The following TXNDC5 variants were observed in gnomAD, a reference collection of about 807,000 sequenced individuals.
The protein encoded by TXNDC5 is thioredoxin domain containing 5.
A neutral mutation model predicts 52.6 loss-of-function variants in TXNDC5; 44 were observed. That is an observed-to-expected ratio of 0.84 (90% confidence interval 0.66 to 1.08). The LOEUF (loss-of-function observed/expected upper bound fraction) is 1.08, where lower values mean the gene tolerates loss of function less well. Ranked by LOEUF, TXNDC5 falls within the 50% of genes least tolerant of loss-of-function variation. The probability of loss-of-function intolerance (pLI) is 0.00; values close to 1 mark genes in which losing one functional copy is unlikely to be tolerated. For synonymous variants in TXNDC5, 241 were observed against 234.4 expected, an observed-to-expected ratio of 1.03 and a Z score of -0.26; for missense variants, 600 against 565.5, an observed-to-expected ratio of 1.06 and a Z score of -0.62.
intron 1 of TXNDC5, among the ~76,000 whole-genome samples, chr6:7,907,387 CA>C (rs1354602381): frequency 1.3e-5 from 2 of 152,002 alleles, no homozygotes; most frequent in African/African-American, 4.8e-5. Context: ...AGCCTGTGGC[CA>C]AGAAGTAGAG....
At chr6:7,902,706 G>A (rs78834574) in intron 2 of TXNDC5, among the ~76,000 whole-genome samples, 89 of 152,176 alleles carry the variant, frequency 5.8e-4, no homozygotes, top group Non-Finnish European at 9.4e-4. Context: ...TGGTCACAGA[G>A]GTTCCTTCCC....
chr6:7,887,281 G>T (rs1469470449), intron 7 of TXNDC5, among the ~76,000 whole-genome samples: 3 of 152,132 alleles, frequency 2.0e-5, no homozygotes, highest in Admixed American at 1.3e-4. Flanking sequence ...TGAAGAGGAT[G>T]ACACGGGCAC....
At chr6:7,906,042 C>T (rs184104588) in intron 1 of TXNDC5, among the ~76,000 whole-genome samples, 2 of 151,182 alleles carry the variant, frequency 1.3e-5, no homozygotes, top group South Asian at 2.1e-4. Context: ...GGGTTCAAGA[C>T]TGGCCTGGGC....
intron 1 of TXNDC5, among the ~76,000 whole-genome samples, chr6:7,908,519 A>T (rs201002286): frequency 6.6e-5 from 3 of 45,590 alleles, no homozygotes; most frequent in Admixed American, 3.0e-4. Context: ...GTTTTTCTTT[A>T]AAAAAAAAAA....
chr6:7,901,057 G>T (rs1414574846), intron 2 of TXNDC5, among the ~76,000 whole-genome samples: 2 of 152,186 alleles, frequency 1.3e-5, no homozygotes, highest in Non-Finnish European at 2.9e-5. Context: ...AAGATGGTAT[G>T]ATGGGGCATA....
chr6:7,895,591 G>A (rs1030637543), intron 3 of TXNDC5, among the ~76,000 whole-genome samples: 3 of 152,170 alleles, frequency 2.0e-5, no homozygotes, highest in Non-Finnish European at 4.4e-5. Context: ...AAAATACAAC[G>A]CCCAATGGAC....
Position 7,884,440 on chromosome 6 carries a change from T to G in TXNDC5, c.1095A>C (p.Lys365Asn), listed in dbSNP as rs918899984. 6.2e-7 allele frequency: 1 copy of G among 1,614,104 alleles called. No individual in the cohort carries two copies. The highest frequency in any genetic ancestry group is 2.2e-5 in the East Asian group (1 of 44,878). Residue 365 changes from lysine (K) to asparagine (N), a missense_variant, in exon 9 of 10, where the codon AAA becomes AAC. Coordinates refer to ENST00000379757, the MANE Select transcript of TXNDC5 (RefSeq NM_030810.5). ...CCCCCGCCAGACCAGGGAATTCCTTTTTAGAGAGTTCCTCCCAAGTAGGAG... is the reference window on the plus strand; with the variant it reads ...CCCCCGCCAGACCAGGGAATTCCTTGTTAGAGAGTTCCTCCCAAGTAGGAG... ...TLAPTWEELS[K>N]KEFPGLAGVK...
Position 7,895,218 on chromosome 6 carries a change from A to G in TXNDC5, c.520-16T>C. The G allele has an allele frequency of 1.9e-6, 3 of 1,605,918 alleles. No homozygotes were observed. The highest frequency in any genetic ancestry group is 2.6e-6 in the Non-Finnish European group (3 of 1,175,928). ...GCTCTGGTGTCTAACAGGAGGAAAT[A>G]AAACAGTCATGGGTGTGTCAGTGGA... On this transcript the variant is annotated splice_polypyrimidine_tract_variant and intron_variant, in intron 3 of 9. Coordinates refer to ENST00000379757, the MANE Select transcript of TXNDC5 (RefSeq NM_030810.5).
rs1384177383 is a variant in TXNDC5, at chr6:7,881,981, TCACAAGGACAGCA to T, written c.*1150_*1162del. 6.6e-6 allele frequency: 1 copy of T among 152,662 alleles called. No homozygotes were observed. Among genetic ancestry groups the T allele is most frequent in the Non-Finnish European group, 1.5e-5 (1 of 68,050 alleles). 9.5% of individuals were successfully genotyped at this position (152,662 alleles called of 1,614,324 possible). ...TCCCAAGGGAGATAGAGGTGTTTAATCACAAGGACAGCATGAGTTAGAGGACACTGGCATCAAC... is the reference window on the plus strand; with the variant it reads ...TCCCAAGGGAGATAGAGGTGTTTAATTGAGTTAGAGGACACTGGCATCAAC... On this transcript the variant is annotated 3_prime_UTR_variant, in exon 10 of 10. Transcript: ENST00000379757.
Position 7,891,622 on chromosome 6 carries a change from T to G in TXNDC5, c.731A>C (p.Lys244Thr). ...LEHSETVKIG[K>T]VDCTQHYELC... ...AGTTTAATAAGGGCTTTCACTCACC[T>G]TGCCAATCTTGACAGTTTCGGAATG... The change falls in exon 5 of 10, where the codon AAG becomes ACG. Residue 244 changes from lysine (K) to threonine (T), a missense_variant and splice_region_variant. Transcript: ENST00000379757. The G allele has an allele frequency of 6.2e-7, 1 of 1,613,536 alleles. No individual in the cohort carries two copies. Among genetic ancestry groups the G allele is most frequent in the East Asian group, 2.2e-5 (1 of 44,866 alleles).
intron 1 of TXNDC5, among the ~76,000 whole-genome samples, chr6:7,906,408 C>T (rs951188045): frequency 3.3e-5 from 5 of 151,764 alleles, no homozygotes; most frequent in African/African-American, 4.8e-5. Flanking sequence ...TGGTGGCACA[C>T]GCCTGTAATC....
At chr6:7,896,237 TA>T (rs778620098) in intron 3 of TXNDC5, among the ~76,000 whole-genome samples, 1 of 152,138 alleles carries the variant, frequency 6.6e-6, no homozygotes, top group Non-Finnish European at 1.5e-5. Flanking sequence ...AGAAAGAATG[TA>T]ATTCATATGA....
intron 2 of TXNDC5, among the ~76,000 whole-genome samples, chr6:7,902,353 G>T (rs1199801619): frequency 6.6e-6 from 1 of 152,200 alleles, no homozygotes; most frequent in Non-Finnish European, 1.5e-5. Context: ...TGGCCCAACA[G>T]GAAGACCTCA....
intron 5 of TXNDC5, among the ~76,000 whole-genome samples, chr6:7,890,567 A>G (rs997091833): frequency 1.3e-5 from 2 of 152,230 alleles, no homozygotes; most frequent in African/African-American, 4.8e-5. Context: ...TTAAGTAAGG[A>G]TACAAGGAAT....
At chr6:7,884,260 G>A (rs2113313650) in intron 9 of TXNDC5, 99 bp downstream of exon 9, 2 of 1,493,014 alleles carry the variant, frequency 1.3e-6, no homozygotes, top group South Asian at 2.4e-5. Context: ...ACATTGTTGA[G>A]AAGATGAGAG....
In TXNDC5 at chr6:7,881,570, G is replaced by T. The variant is rs1759739214; in HGVS notation, c.*1574C>A. On this transcript the variant is annotated 3_prime_UTR_variant, in exon 10 of 10. Coordinates refer to ENST00000379757, the MANE Select transcript of TXNDC5 (RefSeq NM_030810.5). ...GTATCATAGTGTAAACAAACAAATTGTACCACTTTGATTTTCTTGGAATAC... is the reference window on the plus strand; with the variant it reads ...GTATCATAGTGTAAACAAACAAATTTTACCACTTTGATTTTCTTGGAATAC... The T allele has an allele frequency of 6.6e-6, 1 of 152,148 alleles. No individual in the cohort carries two copies. The highest frequency in any genetic ancestry group is 1.5e-5 in the Non-Finnish European group (1 of 68,012). 9.4% of individuals were successfully genotyped at this position (152,148 alleles called of 1,614,324 possible). A position where few individuals can be genotyped will look rare whatever the true frequency, so the allele number is the denominator to read the frequency against.
intron 1 of TXNDC5, 126 bp from the exon 2 acceptor site, chr6:7,904,849 C>T: frequency 9.2e-7 from 1 of 1,088,264 alleles, no homozygotes; most frequent in Non-Finnish European, 1.3e-6. Flanking sequence ...CAGATGGCAG[C>T]TCCTGGACCA....
At chr6:7,887,973 C>T (rs1289728501) in intron 7 of TXNDC5, among the ~76,000 whole-genome samples, 1 of 152,194 alleles carries the variant, frequency 6.6e-6, no homozygotes, top group Non-Finnish European at 1.5e-5. Flanking sequence ...CCACTTCTCT[C>T]TAGCAGCCAA....
chr6:7,910,282 T>TCCCCGCC (rs1225525240), intron 1 of TXNDC5, among the ~76,000 whole-genome samples: 3 of 120,844 alleles, frequency 2.5e-5, no homozygotes, highest in Non-Finnish European at 5.3e-5. Flanking sequence ...CGCCCCCCGC[T>TCCCCGCC]CCCCGCCAGC....
Sources: allele counts gnomAD v4.1 joint callset (sites outside exome capture counted in the v4.1 genomes callset), GRCh38; gene constraint gnomAD v4.1.1; transcripts MANE v1.5; gene names NCBI Gene and HGNC (gene_info 2026-07-23, HGNC 2026-07-21).